PARD3B: variants seen among roughly 807,000 people sequenced by gnomAD.
PARD3B encodes the protein par-3 family cell polarity regulator beta.
Under a neutral mutation model 130.2 loss-of-function variants are expected in PARD3B, and 103 were observed. That is an observed-to-expected ratio of 0.79 (90% CI 0.67 to 0.93). PARD3B has a LOEUF of 0.93. Among genes scored for constraint, PARD3B ranks in the 40% least tolerant of loss-of-function variants. The pLI, the probability that PARD3B is intolerant of heterozygous loss-of-function variation, is 0.00. For synonymous variants in PARD3B, 583 were observed against 553.2 expected, an observed-to-expected ratio of 1.05 and a Z score of -0.76; for missense variants, 1,609 against 1,499.2, an observed-to-expected ratio of 1.07 and a Z score of -1.21.
At chr2:205,507,924 C>T (rs531339198) in intron 21 of PARD3B, among the ~76,000 whole-genome samples, 43 of 152,318 alleles carry the variant, frequency 2.8e-4, no homozygotes, top group South Asian at 2.3e-3. Context: ...CAGATGATGT[C>T]ACTGAATTAT....
At chr2:205,378,548 G>C (rs1312423309) in intron 18 of PARD3B, among the ~76,000 whole-genome samples, 1 of 152,104 alleles carries the variant, frequency 6.6e-6, no homozygotes, top group Non-Finnish European at 1.5e-5. Flanking sequence ...CTCTGCCAGA[G>C]CTTACCCAGG....
At chr2:204,716,461 C>G (rs1438121111) in intron 2 of PARD3B, among the ~76,000 whole-genome samples, 1 of 151,938 alleles carries the variant, frequency 6.6e-6, no homozygotes, top group Admixed American at 6.6e-5. Context: ...AGATTTTAAT[C>G]CGTTAGACAA....
At chr2:205,497,276 T>G (rs1226076028) in intron 20 of PARD3B, among the ~76,000 whole-genome samples, 1 of 151,014 alleles carries the variant, frequency 6.6e-6, no homozygotes, top group African/African-American at 2.4e-5. Context: ...AGGCATCAGC[T>G]GCTGAGTGTC....
chr2:204,582,748 A>G (rs1253636062), intron 1 of PARD3B, among the ~76,000 whole-genome samples: 1 of 152,196 alleles, frequency 6.6e-6, no homozygotes, highest in Non-Finnish European at 1.5e-5. Flanking sequence ...AACATTTAAC[A>G]GGGTATCTTC....
At chr2:204,948,736 A>G (rs1689533799) in intron 2 of PARD3B, among the ~76,000 whole-genome samples, 1 of 152,156 alleles carries the variant, frequency 6.6e-6, no homozygotes, top group Non-Finnish European at 1.5e-5. Context: ...ATTCAGAGAA[A>G]TTATTTGTCT....
chr2:205,010,833 G>C (rs779420424), intron 3 of PARD3B, among the ~76,000 whole-genome samples: 34 of 151,688 alleles, frequency 2.2e-4, no homozygotes, highest in Admixed American at 1.1e-3. Context: ...TTTTCAGTGT[G>C]GTTATATATG....
chr2:205,368,497 T>G (rs981827120), intron 18 of PARD3B, among the ~76,000 whole-genome samples: 1 of 152,088 alleles, frequency 6.6e-6, no homozygotes, highest in Admixed American at 6.6e-5. Context: ...CCGTGCGTGA[T>G]GGTGCACACC....
At position 205,325,675 on chromosome 2, in the gene PARD3B, G is replaced by A. The variant is rs1024047340; in HGVS notation, c.2630+23974G>A. ...CCCAAATAGCTGGGATTGCAAGTAT[G>A]AGCCACCGTACCCAGCTTCATCCTA... On this transcript the variant is annotated intron_variant, in intron 18 of 22. Transcript: ENST00000406610. This position sits in a 1 kb window ranked among gnomAD's most constrained non-coding sequence, Gnocchi z 4.1. Among the ~76,000 whole-genome samples, 3 of 152,108 alleles carry A rather than the reference G, an allele frequency of 2.0e-5. No individual in the cohort carries two copies. The highest frequency in any genetic ancestry group is 4.4e-5 in the Non-Finnish European group (3 of 67,990).
intron 15 of PARD3B, among the ~76,000 whole-genome samples, chr2:205,226,424 C>T (rs2038553791): frequency 1.3e-5 from 2 of 152,170 alleles, no homozygotes; most frequent in African/African-American, 4.8e-5. Context: ...CTCAAGAAAT[C>T]GTTGCCGAGT....
At chr2:205,442,290 C>CTTTTTTTTTT (rs71410814) in intron 20 of PARD3B, among the ~76,000 whole-genome samples, 7 of 105,992 alleles carry the variant, frequency 6.6e-5, no homozygotes, top group African/African-American at 1.7e-4. Flanking sequence ...ACAGGTTTTC[C>CTTTTTTTTTT]TTTTTTTTTT....
Position 205,391,618 on chromosome 2 carries a change from T to A in PARD3B, c.2631-9395T>A, listed in dbSNP as rs537172356. ...ACTAAGGCTCTTGACTACCATGTTT[T>A]GAAGCCAGTGAAAGTGTATGAAAGC... On this transcript the variant is annotated intron_variant, in intron 18 of 22. Transcript: ENST00000406610. 3.9e-3 allele frequency among the ~76,000 whole-genome samples: 600 copies of A among 152,336 alleles called. 5 individuals are homozygous for A. The highest frequency in any genetic ancestry group is 0.013 in the African/African-American group (555 of 41,574).
intron 20 of PARD3B, among the ~76,000 whole-genome samples, chr2:205,488,855 G>A (rs2049552800): frequency 6.6e-6 from 1 of 152,088 alleles, no homozygotes; most frequent in East Asian, 1.9e-4. Flanking sequence ...TTGTGTCTAA[G>A]CTCAGATATT....
intron 2 of PARD3B, among the ~76,000 whole-genome samples, chr2:204,697,530 A>G (rs1338472723): frequency 6.6e-6 from 1 of 152,144 alleles, no homozygotes; most frequent in East Asian, 1.9e-4. Context: ...GAGACCGAGT[A>G]TATAAGCAAG....
rs897642031 is a variant in PARD3B, at chr2:205,184,792, A to G, written c.1925-972A>G. On this transcript the variant is annotated intron_variant, in intron 13 of 22. Coordinates refer to ENST00000406610, the MANE Select transcript of PARD3B (RefSeq NM_001302769.2). Reference sequence around the variant, plus strand: ...TACACACACACACACATATATATATATATAAATAAAATTTAATTCTCATAT... The same window carrying G: ...TACACACACACACACATATATATATGTATAAATAAAATTTAATTCTCATAT... 3.3e-5 allele frequency among the ~76,000 whole-genome samples: 5 copies of G among 151,954 alleles called. No individual in the cohort carries two copies. The East Asian group carries it at 7.7e-4, about 23-fold the overall frequency.
intron 2 of PARD3B, among the ~76,000 whole-genome samples, chr2:204,939,789 T>C (rs902082721): frequency 6.6e-6 from 1 of 152,202 alleles, no homozygotes; most frequent in East Asian, 1.9e-4. Context: ...AATATTTCTT[T>C]AGGGAAACCC....
At position 204,941,325 on chromosome 2, in the gene PARD3B, G is replaced by A. The variant is rs552251423; in HGVS notation, c.223-23827G>A. Among the ~76,000 whole-genome samples, 14 of 152,240 alleles carry A rather than the reference G, an allele frequency of 9.2e-5. 1 individual carries two copies. In the South Asian group the frequency reaches 1.5e-3, roughly 16 times the overall value. On this transcript the variant is annotated intron_variant, in intron 2 of 22. Coordinates refer to ENST00000406610, the MANE Select transcript of PARD3B (RefSeq NM_001302769.2). ...GAAGGCGGAGGTTGCAGTGAGCCAA[G>A]ATCCCACCACTGCACTCCAGCCTGG... is the stretch of plus-strand genomic sequence containing the variant.
At chr2:205,235,998 CATT>C (rs1408315190) in intron 15 of PARD3B, among the ~76,000 whole-genome samples, 5 of 152,074 alleles carry the variant, frequency 3.3e-5, no homozygotes, top group African/African-American at 7.2e-5. Flanking sequence ...GACGTGTGAA[CATT>C]ATTAGGTTTG....
Position 204,817,002 on chromosome 2 carries a change from A to G in PARD3B, c.222+130720A>G, listed in dbSNP as rs143825829. On this transcript the variant is annotated intron_variant, in intron 2 of 22. Transcript: ENST00000406610. Reference sequence around the variant, plus strand: ...CTCATCTTTTCCTTCTACAATGTCTAACCTGCTGTTCATTCCACCCAGTGC... The same window carrying G: ...CTCATCTTTTCCTTCTACAATGTCTGACCTGCTGTTCATTCCACCCAGTGC... 2.2e-3 allele frequency among the ~76,000 whole-genome samples: 331 copies of G among 152,198 alleles called. 1 individual carries two copies. The highest frequency in any genetic ancestry group is 3.9e-3 in the Non-Finnish European group (263 of 67,980).
intron 3 of PARD3B, among the ~76,000 whole-genome samples, chr2:205,032,642 G>A (rs1417182618): frequency 6.6e-6 from 1 of 152,146 alleles, no homozygotes; most frequent in African/African-American, 2.4e-5. Flanking sequence ...CTGGTTTAAA[G>A]TTTTAGGTGT....
Sources: gnomAD v4.1 joint callset for allele counts (sites outside exome capture counted in the v4.1 genomes callset) on GRCh38, gnomAD v4.1.1 for gene constraint, Gnocchi (gnomAD v3.1) non-coding constraint, MANE v1.5 for transcripts, NCBI Gene and HGNC (gene_info 2026-07-23, HGNC 2026-07-21) for gene names.